SHISA9: variants seen among roughly 807,000 people sequenced by gnomAD.
SHISA9 encodes the protein shisa family member 9.
Under a neutral mutation model 38.0 loss-of-function variants are expected in SHISA9, and 13 were observed. The observed-to-expected ratio is 0.34, with a 90% confidence interval of 0.22 to 0.54. SHISA9 has a LOEUF of 0.54. Among genes scored for constraint, SHISA9 ranks in the 20% least tolerant of loss-of-function variants. The pLI is 0.91. For synonymous variants in SHISA9, 275 were observed against 242.0 expected (o/e 1.14, Z -1.27); for missense variants, 538 against 575.8 (o/e 0.93, Z 0.67).
At chr16:13,002,252 C>T (rs1234703285) in intron 2 of SHISA9, among the ~76,000 whole-genome samples, 3 of 152,154 alleles carry the variant, frequency 2.0e-5, no homozygotes, top group Non-Finnish European at 4.4e-5. Context: ...TACTAACTGG[C>T]AGAGACAGGC....
chr16:13,428,291 G>T, the SHISA9 span, among the ~76,000 whole-genome samples: 2 of 151,832 alleles, frequency 1.3e-5, no homozygotes, highest in Admixed American at 1.3e-4. Flanking sequence ...GAAAAACAAA[G>T]AAAGAGAGAG....
chr16:13,496,727 A>G, the SHISA9 span, among the ~76,000 whole-genome samples: 2 of 152,190 alleles, frequency 1.3e-5, no homozygotes, highest in Admixed American at 1.3e-4. Flanking sequence ...AGTATTTGAC[A>G]TAAAGCAATT....
At chr16:13,475,732 A>G in the SHISA9 span, among the ~76,000 whole-genome samples, 1 of 152,182 alleles carries the variant, frequency 6.6e-6, no homozygotes, top group Non-Finnish European at 1.5e-5. Flanking sequence ...ACAACTCACC[A>G]CAATGTAGAA....
At chr16:12,995,058 A>T (rs1346868668) in intron 2 of SHISA9, among the ~76,000 whole-genome samples, 1 of 152,064 alleles carries the variant, frequency 6.6e-6, no homozygotes, top group Non-Finnish European at 1.5e-5. Flanking sequence ...TTTTTTTTAA[A>T]ATAAAAAAAT....
intron 2 of SHISA9, among the ~76,000 whole-genome samples, chr16:13,084,759 GACCA>G (rs2073692263): frequency 1.3e-5 from 2 of 150,076 alleles, no homozygotes; most frequent in African/African-American, 2.5e-5. Context: ...ATAGACCATA[GACCA>G]TAGACAGACT....
intron 2 of SHISA9, among the ~76,000 whole-genome samples, chr16:13,087,455 A>T (rs1289528355): frequency 6.6e-6 from 1 of 152,110 alleles, no homozygotes; most frequent in Non-Finnish European, 1.5e-5. Context: ...GTGTAAAAGC[A>T]TTCCTGTTTC....
intron 2 of SHISA9, among the ~76,000 whole-genome samples, chr16:12,987,092 G>T (rs184655170): frequency 3.3e-5 from 5 of 152,326 alleles, no homozygotes; most frequent in Admixed American, 3.3e-4. Flanking sequence ...AATGCTGAAG[G>T]GGGAAGAGAA....
chr16:13,142,994 A>ATTTTAT (rs2050414819), intron 2 of SHISA9, among the ~76,000 whole-genome samples: 1 of 147,350 alleles, frequency 6.8e-6, no homozygotes, highest in Non-Finnish European at 1.5e-5. Context: ...GTTTCCTTTT[A>ATTTTAT]TTTTATTTTA....
At chr16:13,057,243 T>C (rs567002460) in intron 2 of SHISA9, among the ~76,000 whole-genome samples, 15 of 152,272 alleles carry the variant, frequency 9.9e-5, no homozygotes, top group South Asian at 8.3e-4. Flanking sequence ...TGAGCTAGGC[T>C]TGCCTTTCAC....
chr16:13,108,612 A>T (rs1381885040), intron 2 of SHISA9, among the ~76,000 whole-genome samples: 3 of 152,166 alleles, frequency 2.0e-5, no homozygotes, highest in African/African-American at 7.2e-5. Flanking sequence ...CTCAAGACAC[A>T]TGAGACTGCA....
chr16:13,420,193 C>T, the SHISA9 span, among the ~76,000 whole-genome samples: 5 of 120,482 alleles, frequency 4.1e-5, no homozygotes, highest in Non-Finnish European at 4.8e-5. Flanking sequence ...TTGCCCTGAG[C>T]GGAGATCGCA....
chr16:13,482,455 T>G, the SHISA9 span, among the ~76,000 whole-genome samples: 1 of 152,290 alleles, frequency 6.6e-6, no homozygotes, highest in South Asian at 2.1e-4. Context: ...AACAGTTATG[T>G]CATTAATAGC....
At chr16:13,375,718 C>G in the SHISA9 span, among the ~76,000 whole-genome samples, 4 of 152,068 alleles carry the variant, frequency 2.6e-5, no homozygotes, top group East Asian at 1.9e-4. Context: ...GAAAAGAAGC[C>G]TAAGACTTGT....
intron 2 of SHISA9, among the ~76,000 whole-genome samples, chr16:13,186,347 G>T (rs57310765): frequency 0.16 from 21,984 of 140,826 alleles, 1,985 homozygotes; most frequent in Middle Eastern, 0.27. Flanking sequence ...ACCCAGGCTG[G>T]AGTGCAGTGG....
chr16:12,973,563 T>C (rs1264221177), intron 2 of SHISA9, among the ~76,000 whole-genome samples: 4 of 152,208 alleles, frequency 2.6e-5, no homozygotes, highest in Admixed American at 2.6e-4. Flanking sequence ...CTCTCCTTCC[T>C]CCTGCAGACA....
chr16:13,128,646 A>G (rs1037322461), intron 2 of SHISA9, among the ~76,000 whole-genome samples: 2 of 152,130 alleles, frequency 1.3e-5, no homozygotes, highest in South Asian at 4.1e-4. Context: ...TCATGCCCAG[A>G]TTGTTGGGAC....
At chr16:13,019,946 TC>T (rs2072826560) in intron 2 of SHISA9, among the ~76,000 whole-genome samples, 1 of 98,710 alleles carries the variant, frequency 1.0e-5, no homozygotes, top group Non-Finnish European at 2.3e-5. Flanking sequence ...TTTCTTTCTT[TC>T]TTTCTTTCTT....
At chr16:13,171,295 A>G (rs2050683949) in intron 2 of SHISA9, among the ~76,000 whole-genome samples, 1 of 152,172 alleles carries the variant, frequency 6.6e-6, no homozygotes, top group African/African-American at 2.4e-5. Flanking sequence ...ACTGGGGATC[A>G]CATTTCAACA....
chr16:13,163,617 A>G (rs979939172), intron 2 of SHISA9, among the ~76,000 whole-genome samples: 1 of 152,160 alleles, frequency 6.6e-6, no homozygotes, highest in African/African-American at 2.4e-5. Flanking sequence ...ATTTAAAACC[A>G]TGAACATGAC....
Sources: allele counts gnomAD v4.1 joint callset (sites outside exome capture counted in the v4.1 genomes callset), GRCh38; gene constraint gnomAD v4.1.1; transcripts MANE v1.5; gene names NCBI Gene and HGNC (gene_info 2026-07-23, HGNC 2026-07-21).